Variants in PACSIN1 observed in about 807,000 individuals in gnomAD.
The protein encoded by PACSIN1 is protein kinase C and casein kinase substrate in neurons protein 1.
PACSIN1 carries 15 observed loss-of-function variants against 59.5 expected under a neutral mutation model. That is an observed-to-expected ratio of 0.25 (90% confidence interval 0.17 to 0.39). PACSIN1 has a LOEUF of 0.39. Ranked by LOEUF, PACSIN1 falls within the 10% of genes least tolerant of loss-of-function variation. The pLI, the probability that PACSIN1 is intolerant of heterozygous loss-of-function variation, is 1.00. For synonymous variants in PACSIN1, 210 were observed against 220.6 expected (o/e 0.95, Z 0.42); for missense variants, 420 against 580.2 (o/e 0.72, Z 2.84).
rs1197125702 is a variant in PACSIN1 at position 34,504,283 on chromosome 6, TATATA to T, written c.-63-21959_-63-21955del. Among the ~76,000 whole-genome samples the T allele has an allele frequency of 6.1e-3, 507 of 83,228 alleles. 2 individuals are homozygous for T. The highest frequency in any genetic ancestry group is 0.029 in the African/African-American group (483 of 16,698). 54.6% of individuals were successfully genotyped at this position (83,228 alleles called of 152,430 possible). On this transcript the variant is annotated intron_variant, in intron 1 of 9. Coordinates refer to ENST00000244458, the MANE Select transcript of PACSIN1 (RefSeq NM_020804.5). Reference sequence around the variant, plus strand: ...GTGTGTGTGTGTGTATATATATATATATATATATTTTTTTTTTTTTTTTTTTAAAC... The same window carrying T: ...GTGTGTGTGTGTGTATATATATATATTATTTTTTTTTTTTTTTTTTTAAAC...
At chr6:34,486,842 T>C (rs933810622) in intron 1 of PACSIN1, among the ~76,000 whole-genome samples, 13 of 151,528 alleles carry the variant, frequency 8.6e-5, no homozygotes, top group Non-Finnish European at 1.5e-4. Flanking sequence ...ACATTAGAAT[T>C]TTCTGATTTA....
chr6:34,530,189 G>A lies in PACSIN1; in HGVS notation c.789-54G>A. ...GACTCTGGCCTCTCACCAAGGTTGAGGAGGGGCCATGTTGAATCTGTGCCC... is the reference window on the plus strand; with the variant it reads ...GACTCTGGCCTCTCACCAAGGTTGAAGAGGGGCCATGTTGAATCTGTGCCC... On this transcript the variant is annotated intron_variant, in intron 6 of 9. Transcript: ENST00000244458. The surrounding 1 kb of genome is among the most constrained non-coding windows in gnomAD (Gnocchi z 4.4). 6.4e-7 allele frequency: 1 copy of A among 1,560,984 alleles called. No homozygotes were observed. Among genetic ancestry groups the A allele is most frequent in the East Asian group, 2.3e-5 (1 of 43,994 alleles).
chr6:34,533,846 G>A lies in PACSIN1; in HGVS notation c.*1316G>A, dbSNP rs1380820193. 1.3e-5 allele frequency: 2 copies of A among 152,360 alleles called. No homozygotes were observed. The highest frequency in any genetic ancestry group is 1.9e-4 in the East Asian group (1 of 5,194). The allele number at this position is 152,360 out of a possible 1,614,324, so 9.4% of individuals were successfully genotyped here. On this transcript the variant is annotated 3_prime_UTR_variant, in exon 10 of 10. Coordinates refer to ENST00000244458, the MANE Select transcript of PACSIN1 (RefSeq NM_020804.5). ...ACCTTTGGGGGTGGGTGGGAGCAAA[G>A]GGCCCACCTGCTGGTTGGTGAAAGC...
At chr6:34,478,066 T>TA (rs1292829203) in intron 1 of PACSIN1, among the ~76,000 whole-genome samples, 1 of 149,406 alleles carries the variant, frequency 6.7e-6, no homozygotes, top group East Asian at 1.9e-4. Context: ...TTATCCTTTT[T>TA]TTTTTTTTTT....
In PACSIN1 at chr6:34,518,260, C is replaced by T. The variant is rs868563114; in HGVS notation, c.-63-7983C>T. 3.3e-5 allele frequency among the ~76,000 whole-genome samples: 5 copies of T among 152,244 alleles called. No homozygotes were observed. The highest frequency in any genetic ancestry group is 2.1e-4 in the South Asian group (1 of 4,832). ...TTCCCTGTGTTGCAAAAACGTGCTG[C>T]GCACTCCCACCAGGAGTGTTGCCCA... On this transcript the variant is annotated intron_variant, in intron 1 of 9. Coordinates refer to ENST00000244458, the MANE Select transcript of PACSIN1 (RefSeq NM_020804.5). The surrounding 1 kb of genome is among the most constrained non-coding windows in gnomAD (Gnocchi z 4.4).
At chr6:34,500,372 T>C (rs183138466) in intron 1 of PACSIN1, among the ~76,000 whole-genome samples, 1 of 152,318 alleles carries the variant, frequency 6.6e-6, no homozygotes, top group Non-Finnish European at 1.5e-5. Context: ...ACTTGTATAT[T>C]GCTGATGGGA....
rs1267709757 is a variant in PACSIN1, at chr6:34,535,004, G to C, written c.*2474G>C. ...CAGTTAACCACCATTCTGCGGCCTG[G>C]TTCTGCAAGGAACCAGGGCTGCCCC... On this transcript the variant is annotated 3_prime_UTR_variant, in exon 10 of 10. Transcript: ENST00000244458. 1.3e-5 allele frequency: 2 copies of C among 152,630 alleles called. No individual in the cohort carries two copies. The highest frequency in any genetic ancestry group is 2.4e-5 in the African/African-American group (1 of 41,448). 9.5% of individuals were successfully genotyped at this position (152,630 alleles called of 1,614,324 possible). A position where few individuals can be genotyped will look rare whatever the true frequency, so the allele number is the denominator to read the frequency against.
At chr6:34,520,907 A>G (rs998136905) in intron 1 of PACSIN1, among the ~76,000 whole-genome samples, 1 of 152,114 alleles carries the variant, frequency 6.6e-6, no homozygotes, top group Non-Finnish European at 1.5e-5. Flanking sequence ...CATCATCATC[A>G]TCGTCAACAT....
chr6:34,512,995 G>A (rs1767229573), intron 1 of PACSIN1, among the ~76,000 whole-genome samples: 1 of 152,132 alleles, frequency 6.6e-6, no homozygotes, highest in South Asian at 2.1e-4. Context: ...AAGACTGCAG[G>A]AGAGCCCTTG....
chr6:34,516,133 TC>T lies in PACSIN1; in HGVS notation c.-63-10107del, dbSNP rs775558395. On this transcript the variant is annotated intron_variant, in intron 1 of 9. Coordinates refer to ENST00000244458, the MANE Select transcript of PACSIN1 (RefSeq NM_020804.5). The surrounding 1 kb of genome is among the most constrained non-coding windows in gnomAD (Gnocchi z 5.4). ...CCTGCCCTTCTCCACCTGCTTTCTC[TC>T]CCGCACCCCCTGAGAGCCCAGCTGG... 6.6e-6 allele frequency among the ~76,000 whole-genome samples: 1 copy of T among 152,026 alleles called. No homozygotes were observed. The highest frequency in any genetic ancestry group is 1.9e-4 in the East Asian group (1 of 5,184).
At chr6:34,498,124 C>T (rs886256935) in intron 1 of PACSIN1, among the ~76,000 whole-genome samples, 1 of 152,106 alleles carries the variant, frequency 6.6e-6, no homozygotes, top group Non-Finnish European at 1.5e-5. Flanking sequence ...TGCAGTGGCA[C>T]GATCTCGGCT....
Position 34,516,584 on chromosome 6 carries a change from G to C in PACSIN1, c.-63-9659G>C, listed in dbSNP as rs553677278. On this transcript the variant is annotated intron_variant, in intron 1 of 9. Coordinates refer to ENST00000244458, the MANE Select transcript of PACSIN1 (RefSeq NM_020804.5). This position sits in a 1 kb window ranked among gnomAD's most constrained non-coding sequence, Gnocchi z 5.4. ...CCCACCTCCACTGGAGCAGGGGCTG[G>C]TGAGGCCTGGAGGGCAGGTTCTTTG... 6.6e-6 allele frequency among the ~76,000 whole-genome samples: 1 copy of C among 152,208 alleles called. No homozygotes were observed. Among genetic ancestry groups the C allele is most frequent in the African/African-American group, 2.4e-5 (1 of 41,456 alleles).
intron 1 of PACSIN1, among the ~76,000 whole-genome samples, chr6:34,484,782 T>A (rs1469130238): frequency 6.6e-6 from 1 of 152,058 alleles, no homozygotes; most frequent in Non-Finnish European, 1.5e-5. Context: ...ATAAAATCTA[T>A]TAATTAAAAA....
Position 34,531,831 on chromosome 6 carries a change from T to C in PACSIN1, c.1225+44T>C. 6.6e-7 allele frequency: 1 copy of C among 1,514,874 alleles called. No homozygotes were observed. The allele number at this position is 1,514,874 out of a possible 1,614,324, so 93.8% of individuals were successfully genotyped here. On this transcript the variant is annotated intron_variant, in intron 9 of 9. Transcript: ENST00000244458. This position sits in a 1 kb window ranked among gnomAD's most constrained non-coding sequence, Gnocchi z 4.4. The stretch of plus-strand genomic sequence containing the variant: ...GCAGTGCCTGAGAGAGGCTTGGGCC[T>C]GGATTGGGTGTGTGGTGGTGCAGGG...
chr6:34,479,232 T>C (rs1766681909), intron 1 of PACSIN1, among the ~76,000 whole-genome samples: 1 of 151,660 alleles, frequency 6.6e-6, no homozygotes, highest in African/African-American at 2.4e-5. Context: ...ATAAAGCCAA[T>C]GTCTCCATCA....
At chr6:34,485,326 T>C (rs555876340) in intron 1 of PACSIN1, among the ~76,000 whole-genome samples, 1 of 151,864 alleles carries the variant, frequency 6.6e-6, no homozygotes, top group East Asian at 1.9e-4. Flanking sequence ...AGATAGACAG[T>C]AGGGGGTGAG....
chr6:34,470,984 C>T (rs1048509843), intron 1 of PACSIN1, among the ~76,000 whole-genome samples: 2 of 151,946 alleles, frequency 1.3e-5, no homozygotes, highest in Non-Finnish European at 2.9e-5. Context: ...TTGCTCTTGT[C>T]GCCCAGGCTT....
intron 1 of PACSIN1, among the ~76,000 whole-genome samples, chr6:34,485,395 T>C (rs978439946): frequency 1.3e-5 from 2 of 151,730 alleles, no homozygotes; most frequent in Non-Finnish European, 2.9e-5. Context: ...GACAGGGGGC[T>C]GGGGCAGACC....
At position 34,529,591 on chromosome 6, in the gene PACSIN1, C is replaced by G; in HGVS notation, c.612+39C>G. On this transcript the variant is annotated intron_variant, in intron 5 of 9. Coordinates refer to ENST00000244458, the MANE Select transcript of PACSIN1 (RefSeq NM_020804.5). This position sits in a 1 kb window ranked among gnomAD's most constrained non-coding sequence, Gnocchi z 6.3. ...GGGATGGCAGTAGGGGGTCTGGGGG[C>G]CCCTTGCAGAGGGTGGTGGCTGGGA... 6.2e-7 allele frequency: 1 copy of G among 1,612,620 alleles called. No homozygotes were observed. The highest frequency in any genetic ancestry group is 2.2e-5 in the East Asian group (1 of 44,828).
Sources: gnomAD v4.1 joint callset for allele counts (sites outside exome capture counted in the v4.1 genomes callset) on GRCh38, gnomAD v4.1.1 for gene constraint, Gnocchi (gnomAD v3.1) non-coding constraint, MANE v1.5 for transcripts, NCBI Gene and HGNC (gene_info 2026-07-23, HGNC 2026-07-21) for gene names.